The following STK24 variants were observed in gnomAD, a reference collection of about 807,000 sequenced individuals.
The protein encoded by STK24 is serine/threonine-protein kinase 24.
STK24 carries 21 observed loss-of-function variants against 55.6 expected under a neutral mutation model. The observed-to-expected ratio is 0.38, with a 90% CI of 0.27 to 0.54. The LOEUF is 0.54. Ranked by LOEUF, STK24 falls within the 20% of genes least tolerant of loss-of-function variation. The pLI, the probability that STK24 is intolerant of heterozygous loss-of-function variation, is 0.79. For synonymous variants in STK24, 200 were observed against 215.2 expected (o/e 0.93, Z 0.62); for missense variants, 383 against 538.4 (o/e 0.71, Z 2.86).
rs927318798 is a variant in STK24 at position 98,453,090 on chromosome 13, C to T, written c.*83G>A. On this transcript the variant is annotated 3_prime_UTR_variant, in exon 11 of 11. Coordinates refer to ENST00000539966, the MANE Select transcript of STK24 (RefSeq NM_001032296.4). ...TGGCGCACCTCTTCGGTGGAGTCAG[C>T]GAAGGCTCTCGTTGACTTTTAAAAA... The T allele has an allele frequency of 6.2e-5, 95 of 1,543,494 alleles. 1 individual carries two copies. The highest frequency in any genetic ancestry group is 2.2e-4 in the Middle Eastern group (1 of 4,634).
At chr13:98,462,467 A>G (rs530341819) in intron 7 of STK24, among the ~76,000 whole-genome samples, 2 of 152,140 alleles carry the variant, frequency 1.3e-5, no homozygotes, top group East Asian at 3.9e-4. Flanking sequence ...CCTCAGAGGC[A>G]ATGAGCCCCA....
At chr13:98,566,729 C>A (rs975369566) in intron 1 of STK24, among the ~76,000 whole-genome samples, 2 of 152,196 alleles carry the variant, frequency 1.3e-5, no homozygotes. Context: ...CAGCAAGCAA[C>A]AGGGAAGCAG....
At chr13:98,470,921 T>C (rs1185485737) in intron 5 of STK24, among the ~76,000 whole-genome samples, 2 of 152,260 alleles carry the variant, frequency 1.3e-5, no homozygotes, top group Non-Finnish European at 1.5e-5. Context: ...TCATTTGATA[T>C]AAGCTTATTA....
intron 1 of STK24, among the ~76,000 whole-genome samples, chr13:98,545,262 G>C (rs758990032): frequency 1.8e-4 from 28 of 152,200 alleles, no homozygotes; most frequent in Non-Finnish European, 2.9e-4. Context: ...CACTGTCCCA[G>C]TTGTTAGCAA....
intron 2 of STK24, among the ~76,000 whole-genome samples, chr13:98,512,571 GTT>G (rs11434391): frequency 0.22 from 31,227 of 141,420 alleles, 3,366 homozygotes; most frequent in Non-Finnish European, 0.24. Context: ...CACAAAGTAA[GTT>G]TTTTTTTTTT....
intron 2 of STK24, among the ~76,000 whole-genome samples, chr13:98,492,076 C>CGTGCGT (rs1170576833): frequency 1.4e-3 from 208 of 149,632 alleles, no homozygotes; most frequent in African/African-American, 4.8e-3. Context: ...AGTGCGTGCG[C>CGTGCGT]GTGTGTGTGT....
intron 2 of STK24, 131 bp from the exon 3 acceptor site, chr13:98,482,452 G>C (rs978624665): frequency 1.8e-6 from 1 of 561,666 alleles, no homozygotes; most frequent in Non-Finnish European, 3.2e-6. Context: ...AGCACGGGAA[G>C]TGTGTCAAAG....
At position 98,448,246 on chromosome 13, in the gene STK24, G is replaced by C; in HGVS notation, c.*4927C>G. 6.2e-7 allele frequency: 1 copy of C among 1,613,966 alleles called. No individual in the cohort carries two copies. The highest frequency in any genetic ancestry group is 1.1e-5 in the South Asian group (1 of 91,070). On this transcript the variant is annotated 3_prime_UTR_variant, in exon 11 of 11. Transcript: ENST00000539966. ...GTTCCCGTGTTGCAGGTGGATGGAA[G>C]TGATCCGCAGTGCCACCAGCTCTGC...
rs561844473 is a variant in STK24, at chr13:98,471,680, C to T, written c.597+3141G>A. ...GCAGCCCAGACAAGATAAGGGGGCA[C>T]AGCTACTGCCAGAGGTGACAATGCT... is the stretch of plus-strand genomic sequence containing the variant. On this transcript the variant is annotated intron_variant, in intron 5 of 10. Transcript: ENST00000539966. Among the ~76,000 whole-genome samples, 32 of 152,348 alleles carry T rather than the reference C, an allele frequency of 2.1e-4. No homozygotes were observed. The South Asian group carries it at 6.6e-3, about 32-fold the overall frequency.
At chr13:98,535,534 C>T (rs977224501) in intron 1 of STK24, among the ~76,000 whole-genome samples, 1 of 152,024 alleles carries the variant, frequency 6.6e-6, no homozygotes, top group Non-Finnish European at 1.5e-5. Flanking sequence ...GGAAAACATA[C>T]CCAGTGTACA....
chr13:98,446,174 A>ACTT lies in STK24; in HGVS notation c.*6996_*6998dup, dbSNP rs1162845489. On this transcript the variant is annotated 3_prime_UTR_variant, in exon 11 of 11. Coordinates refer to ENST00000539966, the MANE Select transcript of STK24 (RefSeq NM_001032296.4). ...CAGAAGCTGTGGGTGGTGTTCACAAACTTCTGCCTGTTCTTCTACAAATCA... is the reference window on the plus strand; with the variant it reads ...CAGAAGCTGTGGGTGGTGTTCACAAACTTCTTCTGCCTGTTCTTCTACAAATCA... 2.5e-6 allele frequency: 4 copies of ACTT among 1,613,556 alleles called. No homozygotes were observed. The African/African-American group carries it at 4.0e-5, about 16-fold the overall frequency.
intron 3 of STK24, among the ~76,000 whole-genome samples, chr13:98,475,623 G>A (rs1412557091): frequency 2.0e-5 from 3 of 152,190 alleles, no homozygotes; most frequent in African/African-American, 4.8e-5. Flanking sequence ...CCGCAGCCCC[G>A]CCTGCGCCTG....
In STK24 at chr13:98,555,014, CAAA is replaced by C. The variant is rs398024117; in HGVS notation, c.42+21728_42+21730del. ...TGGGAGGCAGAGCGAGACTCCAACT[CAAA>C]AAAAAAAAAAAAAAAAAGAAAGAAA... On this transcript the variant is annotated intron_variant, in intron 1 of 10. Transcript: ENST00000539966. Among the ~76,000 whole-genome samples the C allele has an allele frequency of 5.2e-3, 458 of 88,298 alleles. 2 individuals are homozygous for C. The highest frequency in any genetic ancestry group is 0.018 in the African/African-American group (421 of 23,222). 57.9% of individuals were successfully genotyped at this position (88,298 alleles called of 152,430 possible). A position where few individuals can be genotyped will look rare whatever the true frequency, so the allele number is the denominator to read the frequency against.
At chr13:98,540,921 T>A (rs1246335296) in intron 1 of STK24, among the ~76,000 whole-genome samples, 1 of 152,054 alleles carries the variant, frequency 6.6e-6, no homozygotes, top group Non-Finnish European at 1.5e-5. Context: ...TAAGTTTTAC[T>A]AGGAGTCTGA....
At chr13:98,503,675 G>C (rs879813908) in intron 2 of STK24, among the ~76,000 whole-genome samples, 21 of 152,294 alleles carry the variant, frequency 1.4e-4, no homozygotes, top group Admixed American at 1.2e-3. Context: ...GCCTTACAAG[G>C]GCACTGCTTC....
At chr13:98,486,557 C>T (rs1428772242) in intron 2 of STK24, among the ~76,000 whole-genome samples, 2 of 152,212 alleles carry the variant, frequency 1.3e-5, no homozygotes, top group Admixed American at 1.3e-4. Context: ...CTGCTCAGCT[C>T]TGCTGCAGGC....
At chr13:98,505,548 A>T (rs1715920402) in intron 2 of STK24, among the ~76,000 whole-genome samples, 1 of 152,252 alleles carries the variant, frequency 6.6e-6, no homozygotes, top group East Asian at 1.9e-4. Context: ...GGGAAGAGTC[A>T]TTAGACCCAA....
Position 98,452,738 on chromosome 13 carries a change from A to G in STK24, c.*435T>C. ...GGTTTCCGTAAAAATGACATTATAT[A>G]CAAATCTGTACACCCATCCACCAGA... is the stretch of plus-strand genomic sequence containing the variant. On this transcript the variant is annotated 3_prime_UTR_variant, in exon 11 of 11. Coordinates refer to ENST00000539966, the MANE Select transcript of STK24 (RefSeq NM_001032296.4). The G allele has an allele frequency of 6.2e-6, 1 of 161,746 alleles. No individual in the cohort carries two copies. Among genetic ancestry groups the G allele is most frequent in the East Asian group, 1.8e-4 (1 of 5,478 alleles). The allele number at this position is 161,746 out of a possible 1,614,324, so 10.0% of individuals were successfully genotyped here. A position where few individuals can be genotyped will look rare whatever the true frequency, so the allele number is the denominator to read the frequency against.
At chr13:98,463,970 T>G in intron 6 of STK24, 134 bp from the exon 7 acceptor site, 2 of 987,982 alleles carry the variant, frequency 2.0e-6, no homozygotes, top group Non-Finnish European at 3.0e-6. Flanking sequence ...ACAGCGCTTC[T>G]CACTGCAACT....
Sources: allele counts gnomAD v4.1 joint callset (sites outside exome capture counted in the v4.1 genomes callset), GRCh38; gene constraint gnomAD v4.1.1; transcripts MANE v1.5; gene names NCBI Gene and HGNC (gene_info 2026-07-23, HGNC 2026-07-21).